CPNE5: variants seen among roughly 807,000 people sequenced by gnomAD.
CPNE5 encodes copine 5.
CPNE5 carries 42 observed loss-of-function variants against 81.1 expected under a neutral mutation model. That is an observed-to-expected ratio of 0.52 (90% CI 0.40 to 0.67). CPNE5 has a LOEUF of 0.67. Among genes scored for constraint, CPNE5 ranks in the 30% least tolerant of loss-of-function variants. The pLI is 0.00. For synonymous variants in CPNE5, 313 were observed against 321.5 expected, an observed-to-expected ratio of 0.97 and a Z score of 0.28; for missense variants, 612 against 815.5, an observed-to-expected ratio of 0.75 and a Z score of 3.04.
At chr6:36,823,727 G>A (rs1772260962) in intron 1 of CPNE5, among the ~76,000 whole-genome samples, 1 of 152,218 alleles carries the variant, frequency 6.6e-6, no homozygotes, top group Non-Finnish European at 1.5e-5. Flanking sequence ...CTTTCAACAG[G>A]TGCTAAGCTC....
At position 36,742,192 on chromosome 6, in the gene CPNE5, C is replaced by T. The variant is rs13206191; in HGVS notation, c.*76G>A. On this transcript the variant is annotated 3_prime_UTR_variant, in exon 21 of 21. Transcript: ENST00000244751. Reference sequence around the variant, plus strand: ...TCCCAAAGGCCGGGCAGGCCAACTTCGGGGAGTCTGGGGCCCTGGCCTCCC... The same window carrying T: ...TCCCAAAGGCCGGGCAGGCCAACTTTGGGGAGTCTGGGGCCCTGGCCTCCC... The T allele has an allele frequency of 5.2e-4, 642 of 1,230,970 alleles. 2 individuals carry two copies. The highest frequency in any genetic ancestry group is 2.5e-3 in the Admixed American group (111 of 44,904). The allele number at this position is 1,230,970 out of a possible 1,614,324, so 76.3% of individuals were successfully genotyped here.
At chr6:36,777,115 G>T (rs1157001709) in intron 9 of CPNE5, among the ~76,000 whole-genome samples, 1 of 152,140 alleles carries the variant, frequency 6.6e-6, no homozygotes, top group Non-Finnish European at 1.5e-5. Flanking sequence ...GGTCTGATCA[G>T]ACCAGTTCCC....
chr6:36,781,150 A>G (rs143915457), intron 8 of CPNE5, among the ~76,000 whole-genome samples: 170 of 152,274 alleles, frequency 1.1e-3, no homozygotes, highest in South Asian at 4.1e-3. Context: ...TGCTGGAGAC[A>G]GAATGACCTG....
At chr6:36,759,766 C>T (rs1420023823) in intron 12 of CPNE5, among the ~76,000 whole-genome samples, 1 of 151,844 alleles carries the variant, frequency 6.6e-6, no homozygotes, top group African/African-American at 2.4e-5. Flanking sequence ...GTGGAGGCAC[C>T]CATATGAATC....
At chr6:36,756,093 G>GCCCCCCCCCCCC in intron 13 of CPNE5, 152 bp downstream of exon 13, 1 of 595,830 alleles carries the variant, frequency 1.7e-6, no homozygotes, top group Non-Finnish European at 3.0e-6. Flanking sequence ...TGCTCCATCT[G>GCCCCCCCCCCCC]CCCCACCCCT....
chr6:36,773,395 C>T (rs73730190), intron 10 of CPNE5, among the ~76,000 whole-genome samples: 2,372 of 152,332 alleles, frequency 0.016, 46 homozygotes, highest in African/African-American at 0.044. Context: ...GCTCTCTCGG[C>T]GCTTGCTACA....
At chr6:36,788,614 A>G (rs751013236) in intron 8 of CPNE5, among the ~76,000 whole-genome samples, 10 of 118,978 alleles carry the variant, frequency 8.4e-5, no homozygotes, top group East Asian at 7.3e-4. Context: ...CGGTAAACCA[A>G]TGTTGGCCAG....
chr6:36,779,354 T>A (rs1767818589), intron 8 of CPNE5, among the ~76,000 whole-genome samples: 1 of 152,202 alleles, frequency 6.6e-6, no homozygotes, highest in African/African-American at 2.4e-5. Context: ...AACCCCTTGA[T>A]GGATGTGAAC....
rs755213428 is a variant in CPNE5, at chr6:36,823,058, G to A, written c.136C>T (p.Leu46=). Residue 46 remains leucine, a splice_region_variant and synonymous_variant, in exon 2 of 21, where the codon CTG becomes TTG. Coordinates refer to ENST00000244751, the MANE Select transcript of CPNE5 (RefSeq NM_020939.2). ...TTCTTATTGTCAGAGCAGGACTTAC[G>A]TGGGTCGGACTTGGAAAACATGTCT... The part of the protein sequence containing the change: ...DKDMFSKSDP[L]CVMYTQGMEN... 12 of 1,574,398 alleles carry A rather than the reference G, an allele frequency of 7.6e-6. No individual in the cohort carries two copies. The Admixed American group carries it at 8.9e-5, about 12-fold the overall frequency.
intron 1 of CPNE5, among the ~76,000 whole-genome samples, chr6:36,833,319 T>C (rs992417995): frequency 1.7e-4 from 26 of 152,226 alleles, no homozygotes; most frequent in Admixed American, 1.3e-3. Flanking sequence ...GCAATTGTGA[T>C]TGGCAGAAAT....
At chr6:36,787,829 G>A (rs1562138204) in intron 8 of CPNE5, among the ~76,000 whole-genome samples, 8 of 152,084 alleles carry the variant, frequency 5.3e-5, no homozygotes, top group Admixed American at 4.6e-4. Context: ...CATGACCACC[G>A]CCACCATCCT....
intron 3 of CPNE5, among the ~76,000 whole-genome samples, chr6:36,821,530 C>A (rs753434563): frequency 2.6e-5 from 4 of 151,188 alleles, no homozygotes; most frequent in Non-Finnish European, 1.5e-5. Context: ...TCTCTCCCTA[C>A]TCCCTGTTAC....
chr6:36,820,315 G>GCTTC (rs112268306), intron 3 of CPNE5, among the ~76,000 whole-genome samples: 9 of 148,100 alleles, frequency 6.1e-5, no homozygotes, highest in African/African-American at 2.2e-4. Context: ...TGTAGGCCCA[G>GCTTC]CTTCCTTTCC....
intron 3 of CPNE5, among the ~76,000 whole-genome samples, chr6:36,815,106 A>G (rs945496787): frequency 1.1e-4 from 17 of 151,266 alleles, no homozygotes; most frequent in Admixed American, 6.6e-4. Flanking sequence ...TGCAGTGAGC[A>G]GTGATCGTGC....
chr6:36,805,565 G>C (rs79635209), intron 3 of CPNE5, among the ~76,000 whole-genome samples: 1 of 152,194 alleles, frequency 6.6e-6, no homozygotes, highest in Non-Finnish European at 1.5e-5. Context: ...GGGAAGGTGC[G>C]CAAGTGTGCA....
chr6:36,819,936 C>T (rs1049141520), intron 3 of CPNE5, among the ~76,000 whole-genome samples: 2 of 152,210 alleles, frequency 1.3e-5, no homozygotes, highest in Non-Finnish European at 2.9e-5. Context: ...CTGGAGCAAG[C>T]GCAATCTCCA....
At chr6:36,742,565 TC>T in intron 20 of CPNE5, 79 bp from the exon 21 acceptor site, 1 of 1,165,106 alleles carries the variant, frequency 8.6e-7, no homozygotes, top group Non-Finnish European at 1.2e-6. Flanking sequence ...TGGGGTTGCA[TC>T]CCCACCCCCC....
chr6:36,827,402 T>C, intron 1 of CPNE5: 1 of 985,170 alleles, frequency 1.0e-6, no homozygotes, highest in Non-Finnish European at 1.2e-6. Context: ...TGCCCCGGGG[T>C]ATAAAATGGC....
At chr6:36,805,119 A>G (rs1770472953) in intron 3 of CPNE5, among the ~76,000 whole-genome samples, 1 of 151,868 alleles carries the variant, frequency 6.6e-6, no homozygotes, top group East Asian at 1.9e-4. Context: ...AGAGACGTTG[A>G]AAAAAAAATC....
Sources: allele counts gnomAD v4.1 joint callset (sites outside exome capture counted in the v4.1 genomes callset), GRCh38; gene constraint gnomAD v4.1.1; transcripts MANE v1.5; gene names NCBI Gene and HGNC (gene_info 2026-07-23, HGNC 2026-07-21).